Variants in TOP1MT observed in about 807,000 individuals in gnomAD.
TOP1MT encodes the protein DNA topoisomerase I, mitochondrial.
TOP1MT carries 80 observed loss-of-function variants against 73.9 expected under a neutral mutation model. That is an observed-to-expected ratio of 1.08 (90% CI 0.90 to 1.30). The LOEUF (loss-of-function observed/expected upper bound fraction) is 1.30. TOP1MT is among the 50% of genes most tolerant of loss of function. TOP1MT has a pLI of 0.00. For missense variants in TOP1MT, 815 were observed against 808.0 expected, an observed-to-expected ratio of 1.01 and a Z score of -0.10; for synonymous variants, 338 against 326.4, an observed-to-expected ratio of 1.04 and a Z score of -0.38.
At chr8:143,342,410 T>G (rs1817119680) in intron 2 of TOP1MT, among the ~76,000 whole-genome samples, 3 of 124,958 alleles carry the variant, frequency 2.4e-5, no homozygotes, top group African/African-American at 1.4e-4. Context: ...TTATTATTAT[T>G]AGAGACAGAG....
At chr8:143,313,317 G>A (rs145752804) in intron 12 of TOP1MT, among the ~76,000 whole-genome samples, 4 of 152,192 alleles carry the variant, frequency 2.6e-5, no homozygotes, top group African/African-American at 4.8e-5. Flanking sequence ...TTGGGAGGCC[G>A]AGGTGGGTGG....
upstream of TOP1MT, chr8:143,359,117 T>C: frequency 6.2e-6 from 4 of 646,986 alleles, no homozygotes; most frequent in Non-Finnish European, 5.8e-6. Flanking sequence ...GCTGGGATTA[T>C]AGGTGTGAGC....
chr8:143,322,059 C>T (rs1816431745), intron 7 of TOP1MT, among the ~76,000 whole-genome samples: 1 of 102,718 alleles, frequency 9.7e-6, no homozygotes. Context: ...CACACACAGG[C>T]ACGCCACACA....
intron 2 of TOP1MT, among the ~76,000 whole-genome samples, chr8:143,342,909 C>T (rs555319972): frequency 8.6e-5 from 13 of 151,850 alleles, no homozygotes; most frequent in East Asian, 1.9e-4. Context: ...CTCAGCCTCC[C>T]GACCACCACA....
At chr8:143,320,373 A>G (rs954233047) in intron 8 of TOP1MT, among the ~76,000 whole-genome samples, 7 of 151,808 alleles carry the variant, frequency 4.6e-5, no homozygotes, top group African/African-American at 1.7e-4. Context: ...CTCGTGATCC[A>G]CCCGCCTTGG....
intron 7 of TOP1MT, among the ~76,000 whole-genome samples, chr8:143,321,590 C>A (rs1287564729): frequency 7.8e-5 from 4 of 50,976 alleles, no homozygotes; most frequent in African/African-American, 1.3e-4. Context: ...GCACGCCACA[C>A]GCACGCACGC....
intron 6 of TOP1MT, 101 bp from the exon 7 acceptor site, chr8:143,324,243 C>G: frequency 1.3e-6 from 2 of 1,516,146 alleles, no homozygotes; most frequent in Non-Finnish European, 1.8e-6. Context: ...CTTCTCCACT[C>G]AGTGGTGCCG....
chr8:143,336,704 C>T (rs934396302), upstream of TOP1MT, among the ~76,000 whole-genome samples: 1 of 152,056 alleles, frequency 6.6e-6, no homozygotes, highest in East Asian at 1.9e-4. Flanking sequence ...AAAAATTGGC[C>T]GAGCACCGTA....
rs370963448 is a variant in TOP1MT at position 143,328,841 on chromosome 8, G to A, written c.360+509C>T. On this transcript the variant is annotated intron_variant, in intron 3 of 13. Transcript: ENST00000329245. ...GTGGGGCAGACAGAAACCCCGGAGGGCACAGAATCCGCGGCACACACATAA... is the reference window on the plus strand; with the variant it reads ...GTGGGGCAGACAGAAACCCCGGAGGACACAGAATCCGCGGCACACACATAA... Among the ~76,000 whole-genome samples the A allele has an allele frequency of 1.2e-4, 18 of 152,320 alleles. 2 individuals are homozygous for A. The highest frequency in any genetic ancestry group is 4.3e-4 in the African/African-American group (18 of 41,578).
At chr8:143,353,695 T>A (rs1422489989) in intron 1 of TOP1MT, among the ~76,000 whole-genome samples, 1 of 152,026 alleles carries the variant, frequency 6.6e-6, no homozygotes, top group Non-Finnish European at 1.5e-5. Context: ...TAAATAAGTT[T>A]ATTGGGGCCG....
intron 5 of TOP1MT, among the ~76,000 whole-genome samples, chr8:143,325,094 C>A (rs950290875): frequency 2.6e-5 from 4 of 152,256 alleles, no homozygotes; most frequent in Non-Finnish European, 4.4e-5. Context: ...GATATGAAAA[C>A]CACATGGAGG....
chr8:143,342,525 C>A, intron 2 of TOP1MT, among the ~76,000 whole-genome samples: 1 of 104,738 alleles, frequency 9.5e-6, no homozygotes, highest in East Asian at 2.6e-4. Context: ...TTATTAGAGA[C>A]AGAGTCTCGC....
At chr8:143,326,749 A>C (rs1816718318) in intron 3 of TOP1MT, among the ~76,000 whole-genome samples, 1 of 152,250 alleles carries the variant, frequency 6.6e-6, no homozygotes, top group Non-Finnish European at 1.5e-5. Flanking sequence ...CGGACAGAGC[A>C]GGATACATGG....
intron 1 of TOP1MT, chr8:143,332,690 C>T (rs1016946917): frequency 4.6e-6 from 3 of 650,464 alleles, no homozygotes; most frequent in Non-Finnish European, 7.2e-6. Flanking sequence ...GGTTAGAAGA[C>T]GTAGAGACGG....
intron 8 of TOP1MT, among the ~76,000 whole-genome samples, chr8:143,319,570 C>T (rs1816271745): frequency 6.6e-6 from 1 of 151,900 alleles, no homozygotes; most frequent in African/African-American, 2.4e-5. Context: ...TCAGGACAGC[C>T]ATTCAAAGGT....
intron 1 of TOP1MT, among the ~76,000 whole-genome samples, chr8:143,353,429 A>G (rs891783004): frequency 3.3e-5 from 5 of 151,986 alleles, no homozygotes; most frequent in Non-Finnish European, 7.4e-5. Flanking sequence ...AAAAAAAAAA[A>G]AAAAGGTAAA....
chr8:143,324,305 C>G (rs1413310626), intron 6 of TOP1MT, among the ~76,000 whole-genome samples, 163 bp from the exon 7 acceptor site: 1 of 152,244 alleles, frequency 6.6e-6, no homozygotes. Flanking sequence ...GCAGTGAGCA[C>G]CCATGCCCAC....
At position 143,321,644 on chromosome 8, in the gene TOP1MT, CACACAG is replaced by C. The variant is rs1816380963; in HGVS notation, c.961-264_961-259del. On this transcript the variant is annotated intron_variant, in intron 7 of 13. Coordinates refer to ENST00000329245, the MANE Select transcript of TOP1MT (RefSeq NM_052963.3). ...ACGCACGCCACACACAGGCACGCCA[CACACAG>C]GCACGCCACACACACGCACGCCACA... 7.7e-5 allele frequency among the ~76,000 whole-genome samples: 6 copies of C among 77,726 alleles called. 1 individual carries two copies. The East Asian group carries it at 4.1e-3, about 53-fold the overall frequency. The allele number at this position is 77,726 out of a possible 152,430, so 51.0% of individuals were successfully genotyped here. A position where few individuals can be genotyped will look rare whatever the true frequency, so the allele number is the denominator to read the frequency against.
At chr8:143,346,547 T>C (rs1426366489), upstream of TOP1MT, among the ~76,000 whole-genome samples, 1 of 152,106 alleles carries the variant, frequency 6.6e-6, no homozygotes, top group Non-Finnish European at 1.5e-5. Context: ...CTCGGGAGGC[T>C]GACATGGGAG....
Sources: gnomAD v4.1 joint callset for allele counts (sites outside exome capture counted in the v4.1 genomes callset) on GRCh38, gnomAD v4.1.1 for gene constraint, MANE v1.5 for transcripts, NCBI Gene and HGNC (gene_info 2026-07-23, HGNC 2026-07-21) for gene names.